The following CELA3B variants were observed in gnomAD, a reference collection of about 807,000 sequenced individuals.
CELA3B encodes chymotrypsin like elastase 3B, also known as chymotrypsin-like elastase family member 3B.
CELA3B carries 34 observed loss-of-function variants against 37.2 expected under a neutral mutation model. The ratio of observed to expected loss-of-function variants is 0.91; its 90% CI spans 0.70 to 1.22. The LOEUF (loss-of-function observed/expected upper bound fraction) is 1.22, where lower values mean the gene tolerates loss of function less well. CELA3B is among the 50% of genes most tolerant of loss of function. CELA3B has a pLI of 0.00. For missense variants in CELA3B, 340 were observed against 363.1 expected (o/e 0.94, Z 0.52); for synonymous variants, 127 against 143.5 (o/e 0.89, Z 0.82).
chr1:21,997,350 C>CA (rs34966019), intron 4 of CELA3B, among the ~76,000 whole-genome samples: 56,421 of 116,890 alleles, frequency 0.48, 15,758 homozygotes, highest in Middle Eastern at 0.65. Flanking sequence ...CGACTCATCT[C>CA]AAAAAAAAAA....
downstream of CELA3B, among the ~76,000 whole-genome samples, chr1:21,992,704 G>C (rs181041757): frequency 1.3e-5 from 2 of 151,416 alleles, no homozygotes; most frequent in Admixed American, 1.3e-4. Flanking sequence ...AGCTGGGAAC[G>C]GTGGCTCATG....
intron 4 of CELA3B, among the ~76,000 whole-genome samples, chr1:21,995,144 C>CTTTTT (rs764836069): frequency 1.2e-5 from 1 of 84,948 alleles, no homozygotes; most frequent in African/African-American, 6.7e-5. Flanking sequence ...TCTTTTCTTT[C>CTTTTT]TTTTTTTTTT....
At chr1:21,982,896 G>T (rs1049419249) in intron 4 of CELA3B, among the ~76,000 whole-genome samples, 2 of 152,034 alleles carry the variant, frequency 1.3e-5, no homozygotes, top group Admixed American at 6.6e-5. Flanking sequence ...AGCCAGGATG[G>T]TCTCAATCTC....
chr1:21,978,506 G>T (rs758973954), intron 2 of CELA3B, 52 bp downstream of exon 2: 3 of 1,597,738 alleles, frequency 1.9e-6, no homozygotes, highest in Non-Finnish European at 2.6e-6. Context: ...TGGACCCTAA[G>T]CTCTAATGGC....
intron 2 of CELA3B, among the ~76,000 whole-genome samples, chr1:21,980,564 T>A (rs918824625): frequency 1.4e-5 from 2 of 144,422 alleles, no homozygotes; most frequent in African/African-American, 4.9e-5. Flanking sequence ...GTAGAGAATG[T>A]TGGGGTCCCC....
At chr1:21,978,727 A>G (rs1644786283) in intron 2 of CELA3B, among the ~76,000 whole-genome samples, 1 of 152,112 alleles carries the variant, frequency 6.6e-6, no homozygotes, top group Non-Finnish European at 1.5e-5. Flanking sequence ...AATTTCAGGC[A>G]CTGTGTTGAA....
rs202181985 is a variant in CELA3B at position 21,983,695 on chromosome 1, A to G, written c.364A>G (p.Asn122Asp). The change falls in exon 5 of 8, where the codon AAT (asparagine) becomes GAT (aspartate). Residue 122 changes from asparagine (N) to aspartate (D), a missense_variant and splice_region_variant. Physicochemically the swap from Asn to Asp is conservative, Grantham distance 23. Transcript: ENST00000337107. ...CCGTGACTGTTCCCTCCTCCCCAGC[A>G]ATGACATCGCCCTCATCAAGCTCTC... Reference protein sequence around the residue: ...LWNRSCVACGNDIALIKLSRS... With the variant: ...LWNRSCVACGDDIALIKLSRS... 6.8e-6 allele frequency: 11 copies of G among 1,613,630 alleles called. No individual in the cohort carries two copies. The African/African-American group carries it at 1.5e-4, about 22-fold the overall frequency.
rs1644824235 is a variant in CELA3B at position 21,984,221 on chromosome 1, G to A, written c.532G>A (p.Ala178Thr). The A allele has an allele frequency of 6.2e-7, 1 of 1,614,006 alleles. No individual in the cohort carries two copies. Among genetic ancestry groups the A allele is most frequent in the Non-Finnish European group, 8.5e-7 (1 of 1,179,998 alleles). The change falls in exon 6 of 8, where the codon GCC becomes ACC. Residue 178 changes from alanine to threonine, a missense_variant. By Grantham distance (58) the Ala-to-Thr change is moderately conservative (BLOSUM62 0). Transcript: ENST00000337107. Reference protein sequence around the residue: ...NGPLPDKLQEALLPVVDYEHC... With the variant: ...NGPLPDKLQETLLPVVDYEHC... ...GCCACTCCCAGACAAGCTGCAGGAG[G>A]CCCTGCTGCCGGTGGTGGACTATGA...
In CELA3B at chr1:21,981,093, G is replaced by A. The variant is rs1299839830; in HGVS notation, c.283G>A (p.Gly95Ser). ...LGEYDRAVKE[G>S]PEQVIPINSG... Reference sequence around the variant, plus strand: ...CGAGTACGACCGTGCTGTGAAGGAGGGCCCCGAGCAGGTGATCCCCATCAA... The same window carrying A: ...CGAGTACGACCGTGCTGTGAAGGAGAGCCCCGAGCAGGTGATCCCCATCAA... The change falls in exon 4 of 8, where the codon GGC becomes AGC. Residue 95 changes from glycine (G) to serine (S), a missense_variant. Transcript: ENST00000337107. The A allele has an allele frequency of 6.8e-6, 11 of 1,613,570 alleles. No homozygotes were observed. The highest frequency in any genetic ancestry group is 3.3e-5 in the Admixed American group (2 of 59,982).
At chr1:21,986,466 A>T in intron 6 of CELA3B, 65 bp from the exon 7 acceptor site, 3 of 1,591,562 alleles carry the variant, frequency 1.9e-6, no homozygotes, top group Non-Finnish European at 2.6e-6. Context: ...AATCCCTAGA[A>T]TTCAGAACCA....
At chr1:21,998,176 A>G (rs1315905441) in exon 5 of CELA3B, 1 of 470,402 alleles carries the variant, frequency 2.1e-6, no homozygotes, top group Non-Finnish European at 4.4e-6. Flanking sequence ...AAGGCACCAG[A>G]GTCCCGGACT....
chr1:21,998,591 C>CCCTT (rs533809873), exon 5 of CELA3B: 24 of 159,120 alleles, frequency 1.5e-4, no homozygotes, highest in Admixed American at 5.4e-4. Context: ...AGAGTCCTTT[C>CCCTT]CCTTCCTTCA....
intron 4 of CELA3B, among the ~76,000 whole-genome samples, chr1:21,995,468 G>GAATGTACACA (rs1644886770): frequency 6.6e-6 from 1 of 150,998 alleles, no homozygotes; most frequent in Non-Finnish European, 1.5e-5. Flanking sequence ...GTGTACAGGG[G>GAATGTACACA]CTGTGCAGAA....
rs1301983530 is a variant in CELA3B at position 21,977,025 on chromosome 1, A to G, written c.-15A>G. 5.0e-6 allele frequency: 8 copies of G among 1,613,866 alleles called. No homozygotes were observed. Among genetic ancestry groups the G allele is most frequent in the Admixed American group, 1.7e-5 (1 of 59,982 alleles). On this transcript the variant is annotated 5_prime_UTR_variant, in exon 1 of 8. Coordinates refer to ENST00000337107, the MANE Select transcript of CELA3B (RefSeq NM_007352.4). ...GCCCCAGGTTCTGTGCCCTTTTCCT[A>G]TCATCGCAAAACTCATGATGCTCCG... is the stretch of plus-strand genomic sequence containing the variant.
At chr1:21,998,410 G>T in exon 5 of CELA3B, 1 of 310,430 alleles carries the variant, frequency 3.2e-6, no homozygotes, top group Non-Finnish European at 6.8e-6. Context: ...CGTTCTAGTG[G>T]GTCCATTTAT....
chr1:21,977,103 T>G lies in CELA3B; in HGVS notation c.43+21T>G, dbSNP rs748210978. 3 of 1,614,162 alleles carry G rather than the reference T, an allele frequency of 1.9e-6. No homozygotes were observed. The East Asian group carries it at 6.7e-5, about 36-fold the overall frequency. On this transcript the variant is annotated intron_variant, in intron 1 of 7. Transcript: ENST00000337107. ...CGTTGGTAAGACCCCAACCTGTGTG[T>G]GTGCTCCCTGGGCTGCCCTAGATTA...
Position 21,978,287 on chromosome 1 carries a change from G to T in CELA3B, c.44-82G>T, listed in dbSNP as rs575384483. ...CATGGGGTCACACAGCCACTTGAAG[G>T]CACGGCTTGGACTGGGACCCTGGCC... On this transcript the variant is annotated intron_variant, in intron 1 of 7. Transcript: ENST00000337107. 123 of 1,513,140 alleles carry T rather than the reference G, an allele frequency of 8.1e-5. No homozygotes were observed. The African/African-American group carries it at 1.5e-3, about 19-fold the overall frequency. 93.7% of individuals were successfully genotyped at this position (1,513,140 alleles called of 1,614,324 possible).
chr1:21,983,688 C>A lies in CELA3B; in HGVS notation c.363-6C>A. ...CCAGGCCCCGTGACTGTTCCCTCCTCCCCAGCAATGACATCGCCCTCATCA... is the reference window on the plus strand; with the variant it reads ...CCAGGCCCCGTGACTGTTCCCTCCTACCCAGCAATGACATCGCCCTCATCA... On this transcript the variant is annotated splice_polypyrimidine_tract_variant and splice_region_variant and intron_variant, in intron 4 of 7. Transcript: ENST00000337107. 1 of 1,613,440 alleles carries A rather than the reference C, an allele frequency of 6.2e-7. No homozygotes were observed. Among genetic ancestry groups the A allele is most frequent in the Non-Finnish European group, 8.5e-7 (1 of 1,179,616 alleles).
chr1:21,977,136 T>C, intron 1 of CELA3B, 54 bp downstream of exon 1: 1 of 1,611,730 alleles, frequency 6.2e-7, no homozygotes, highest in Non-Finnish European at 8.5e-7. Flanking sequence ...TTAGGAATCC[T>C]TGAAATCTAC....
Sources: gnomAD v4.1 joint callset for allele counts (sites outside exome capture counted in the v4.1 genomes callset) on GRCh38, gnomAD v4.1.1 for gene constraint, MANE v1.5 for transcripts, NCBI Gene and HGNC (gene_info 2026-07-23, HGNC 2026-07-21) for gene names.